Variants in CREBBP observed in about 807,000 individuals in gnomAD.
CREBBP encodes the protein CREB binding lysine acetyltransferase.
A neutral mutation model predicts 265.0 loss-of-function variants in CREBBP; 19 were observed. The ratio of observed to expected loss-of-function variants is 0.07; its 90% CI spans 0.05 to 0.11. CREBBP has a LOEUF of 0.11. Among genes scored for constraint, CREBBP ranks in the 10% least tolerant of loss-of-function variants. The pLI is 1.00. For missense variants in CREBBP, 2,525 were observed against 3,219.0 expected, an observed-to-expected ratio of 0.78 and a Z score of 5.22; for synonymous variants, 1,457 against 1,223.7, an observed-to-expected ratio of 1.19 and a Z score of -3.98.
chr16:3,778,570 C>T, intron 9 of CREBBP, 130 bp downstream of exon 9: 1 of 818,556 alleles, frequency 1.2e-6, no homozygotes, highest in South Asian at 1.3e-5. Context: ...TCTCCTTGGT[C>T]AGTGGCCTCA....
intron 2 of CREBBP, among the ~76,000 whole-genome samples, chr16:3,812,300 T>C (rs2053953811): frequency 6.6e-6 from 1 of 151,972 alleles, no homozygotes; most frequent in Admixed American, 6.6e-5. Flanking sequence ...TGCCTCAGCC[T>C]CCTGAGTAGC....
In CREBBP at chr16:3,749,695, A is replaced by G. The variant is rs2151368611; in HGVS notation, c.3780-12T>C. ...CCTTTGAAATTGTCCTTGTTTTAAA[A>G]TAAGAAAACATGTTTTATTAACTAA... On this transcript the variant is annotated splice_polypyrimidine_tract_variant and intron_variant, in intron 20 of 30. Transcript: ENST00000262367. 3 of 1,556,894 alleles carry G rather than the reference A, an allele frequency of 1.9e-6. No homozygotes were observed. The highest frequency in any genetic ancestry group is 2.7e-6 in the Non-Finnish European group (3 of 1,131,688).
intron 13 of CREBBP, among the ~76,000 whole-genome samples, chr16:3,772,906 C>T (rs975636271): frequency 1.2e-4 from 6 of 50,770 alleles, no homozygotes; most frequent in Non-Finnish European, 2.2e-4. Flanking sequence ...CCCGTCTCTA[C>T]TAAAAATACA....
intron 1 of CREBBP, among the ~76,000 whole-genome samples, chr16:3,863,917 A>G (rs1208275581): frequency 2.6e-5 from 4 of 152,142 alleles, no homozygotes; most frequent in African/African-American, 7.2e-5. Context: ...GGGACAGGGG[A>G]GCAAAAACGG....
At position 3,777,626 on chromosome 16, in the gene CREBBP, C is replaced by T; in HGVS notation, c.2145G>A (p.Met715Ile). 1 of 1,614,136 alleles carries T rather than the reference C, an allele frequency of 6.2e-7. No homozygotes were observed. The highest frequency in any genetic ancestry group is 8.5e-7 in the Non-Finnish European group (1 of 1,180,022). The change falls in exon 11 of 31, where the codon ATG (methionine) becomes ATA (isoleucine). Residue 715 changes from methionine to isoleucine, a missense_variant. Met to Ile is a conservative substitution (Grantham distance 10, BLOSUM62 1). Coordinates refer to ENST00000262367, the MANE Select transcript of CREBBP (RefSeq NM_004380.3). ...NGPLSLPVNR[M>I]QVSQGMNSFN... ...ACAGTTCAATACCTTGAGAAACTTGCATGCGATTCACTGGCAGGGACAGGG... is the reference window on the plus strand; with the variant it reads ...ACAGTTCAATACCTTGAGAAACTTGTATGCGATTCACTGGCAGGGACAGGG...
At chr16:3,736,918 T>C in intron 26 of CREBBP, 103 bp from the exon 27 acceptor site, 5 of 1,391,296 alleles carry the variant, frequency 3.6e-6, no homozygotes, top group East Asian at 4.6e-5. Context: ...AGGACAGAAG[T>C]AACCAGAGAG....
rs2053838883 is a variant in CREBBP, at chr16:3,806,767, C to T, written c.975+3836G>A. ...GTAAGCCGATGGCCCATCTTCCCTC[C>T]AAGGCCCCCTGAAATGGTTCCTGCT... On this transcript the variant is annotated intron_variant, in intron 3 of 30. Transcript: ENST00000262367. Among the ~76,000 whole-genome samples, 4 of 152,244 alleles carry T rather than the reference C, an allele frequency of 2.6e-5. No individual in the cohort carries two copies. In the South Asian group the frequency reaches 8.3e-4, roughly 32 times the overall value.
intron 1 of CREBBP, among the ~76,000 whole-genome samples, chr16:3,869,831 C>A (rs2055257336): frequency 6.6e-6 from 1 of 152,134 alleles, no homozygotes; most frequent in Non-Finnish European, 1.5e-5. Context: ...AGAATCCGTT[C>A]TCCCCTAAAG....
intron 1 of CREBBP, among the ~76,000 whole-genome samples, chr16:3,858,279 C>T (rs762361727): frequency 6.6e-6 from 1 of 152,198 alleles, no homozygotes; most frequent in Non-Finnish European, 1.5e-5. Flanking sequence ...AATTTCAAAG[C>T]CATCAGCCAA....
rs75459669 is a variant in CREBBP at position 3,758,051 on chromosome 16, TAAAA to T, written c.3370-7_3370-4del. 2 of 1,445,330 alleles carry T rather than the reference TAAAA, an allele frequency of 1.4e-6. No homozygotes were observed. The highest frequency in any genetic ancestry group is 1.2e-5 in the South Asian group (1 of 85,782). The allele number at this position is 1,445,330 out of a possible 1,614,324, so 89.5% of individuals were successfully genotyped here. ...TTCTTTACGATGTCAAAATAGTCCT[TAAAA>T]AAAAAAAAATGGTCTCAGTATAGGG... On this transcript the variant is annotated splice_region_variant and splice_polypyrimidine_tract_variant and intron_variant, in intron 17 of 30. Coordinates refer to ENST00000262367, the MANE Select transcript of CREBBP (RefSeq NM_004380.3).
chr16:3,731,723 C>T lies in CREBBP; in HGVS notation c.4890+53G>A. On this transcript the variant is annotated intron_variant, in intron 29 of 30. Coordinates refer to ENST00000262367, the MANE Select transcript of CREBBP (RefSeq NM_004380.3). The surrounding 1 kb of genome is among the most constrained non-coding windows in gnomAD (Gnocchi z 7.7). Reference sequence around the variant, plus strand: ...GGGCCCACGCCCGCCAGCTGCGAGTCTTTCCCTCCTCCCGGCCAGAGGCAC... The same window carrying T: ...GGGCCCACGCCCGCCAGCTGCGAGTTTTTCCCTCCTCCCGGCCAGAGGCAC... 6.2e-7 allele frequency: 1 copy of T among 1,612,352 alleles called. No homozygotes were observed.
chr16:3,820,020 A>ATGT (rs2054111724), intron 2 of CREBBP, among the ~76,000 whole-genome samples: 1 of 152,242 alleles, frequency 6.6e-6, no homozygotes, highest in Non-Finnish European at 1.5e-5. Flanking sequence ...GTAAAACCAC[A>ATGT]AATTCATATA....
chr16:3,825,411 G>GT (rs2054218539), intron 2 of CREBBP, among the ~76,000 whole-genome samples: 1 of 152,182 alleles, frequency 6.6e-6, no homozygotes, highest in Non-Finnish European at 1.5e-5. Context: ...CCAAAAATAT[G>GT]TAATAATTAC....
intron 2 of CREBBP, among the ~76,000 whole-genome samples, chr16:3,848,453 T>A (rs1487037287): frequency 6.6e-6 from 1 of 152,216 alleles, no homozygotes; most frequent in Non-Finnish European, 1.5e-5. Context: ...ACACAGTAGA[T>A]CTAGTTTTCT....
Position 3,867,478 on chromosome 16 carries a change from C to G in CREBBP, c.85+12354G>C, listed in dbSNP as rs185229487. 5.9e-5 allele frequency among the ~76,000 whole-genome samples: 9 copies of G among 152,058 alleles called. No homozygotes were observed. In the East Asian group the frequency reaches 1.7e-3, roughly 29 times the overall value. Reference sequence around the variant, plus strand: ...CTGCACTTCAGCTTAAGTGACAGAGCAAGACTCCGTCTCAAACAAAAAACA... The same window carrying G: ...CTGCACTTCAGCTTAAGTGACAGAGGAAGACTCCGTCTCAAACAAAAAACA... On this transcript the variant is annotated intron_variant, in intron 1 of 30. Transcript: ENST00000262367.
At chr16:3,794,906 C>T (rs2053578161) in intron 3 of CREBBP, among the ~76,000 whole-genome samples, 1 of 152,174 alleles carries the variant, frequency 6.6e-6, no homozygotes, top group Non-Finnish European at 1.5e-5. Flanking sequence ...ACCCTCATTA[C>T]CTCCCCTAAA....
chr16:3,797,384 T>G (rs2053628711), intron 3 of CREBBP, among the ~76,000 whole-genome samples: 1 of 152,106 alleles, frequency 6.6e-6, no homozygotes, highest in South Asian at 2.1e-4. Flanking sequence ...CATATAGAAG[T>G]CCCCCCTTAT....
intron 24 of CREBBP, 25 bp downstream of exon 24, chr16:3,740,374 C>A (rs528827556): frequency 6.2e-7 from 1 of 1,613,814 alleles, no homozygotes; most frequent in South Asian, 1.1e-5. Context: ...GCTCGCAGAG[C>A]ACTGTAGAGA....
In CREBBP at chr16:3,864,210, C is replaced by T. The variant is rs9933479; in HGVS notation, c.86-13201G>A. ...AATGCTGTGAGATGTAGCTGGCAGG[C>T]GGCAACAAGAAGTCAAGAAAGGGGG... On this transcript the variant is annotated intron_variant, in intron 1 of 30. Coordinates refer to ENST00000262367, the MANE Select transcript of CREBBP (RefSeq NM_004380.3). Among the ~76,000 whole-genome samples, 752 of 152,146 alleles carry T rather than the reference C, an allele frequency of 4.9e-3. 12 individuals carry two copies. The highest frequency in any genetic ancestry group is 0.016 in the African/African-American group (671 of 41,488).
Sources: allele counts gnomAD v4.1 joint callset (sites outside exome capture counted in the v4.1 genomes callset), GRCh38; gene constraint gnomAD v4.1.1; non-coding constraint Gnocchi (gnomAD v3.1); transcripts MANE v1.5; gene names NCBI Gene and HGNC (gene_info 2026-07-23, HGNC 2026-07-21).